LCOR: variants seen among roughly 807,000 people sequenced by gnomAD.
LCOR encodes the protein ligand dependent nuclear receptor corepressor.
LCOR carries 14 observed loss-of-function variants against 64.4 expected under a neutral mutation model. The ratio of observed to expected loss-of-function variants is 0.22; its 90% CI spans 0.14 to 0.34. The LOEUF is 0.34. Ranked by LOEUF, LCOR falls within the 10% of genes least tolerant of loss-of-function variation. The pLI, the probability that LCOR is intolerant of heterozygous loss-of-function variation, is 1.00. For synonymous variants in LCOR, 643 were observed against 642.5 expected, an observed-to-expected ratio of 1.00 and a Z score of -0.01; for missense variants, 1,686 against 1,765.3, an observed-to-expected ratio of 0.96 and a Z score of 0.80.
chr10:96,845,668 C>T (rs556597153), intron 2 of LCOR, among the ~76,000 whole-genome samples: 2 of 150,568 alleles, frequency 1.3e-5, no homozygotes, highest in African/African-American at 4.9e-5. Flanking sequence ...GGGGTGTCAC[C>T]GTGTTAGCCA....
At chr10:96,937,024 T>C (rs1232344350) in intron 4 of LCOR, among the ~76,000 whole-genome samples, 1 of 152,236 alleles carries the variant, frequency 6.6e-6, no homozygotes, top group Admixed American at 6.5e-5. Flanking sequence ...AAAGCAAAAC[T>C]GCAGATAAGA....
At chr10:96,956,908 G>A in intron 7 of LCOR, 1 of 985,194 alleles carries the variant, frequency 1.0e-6, no homozygotes, top group South Asian at 4.7e-5. Context: ...ATTGGGGATG[G>A]GAGAAATAGG....
intron 2 of LCOR, among the ~76,000 whole-genome samples, chr10:96,868,574 G>C (rs545721962): frequency 6.6e-6 from 1 of 151,902 alleles, no homozygotes. Context: ...CTTCCTGGTC[G>C]GAGTGGTTAC....
intron 4 of LCOR, among the ~76,000 whole-genome samples, chr10:96,921,503 C>A (rs1349571617): frequency 6.6e-6 from 1 of 151,992 alleles, no homozygotes; most frequent in African/African-American, 2.4e-5. Flanking sequence ...GCTCTATCTC[C>A]CAGGCTGGAG....
intron 2 of LCOR, among the ~76,000 whole-genome samples, chr10:96,893,212 C>T (rs1846475579): frequency 6.6e-6 from 1 of 152,168 alleles, no homozygotes; most frequent in Non-Finnish European, 1.5e-5. Context: ...TCTCCCCCCT[C>T]CAATAAATCT....
chr10:96,897,067 GAGAGAGAAAGAGAA>G lies in LCOR; in HGVS notation c.-329-10192_-329-10179del, dbSNP rs1436170411. Among the ~76,000 whole-genome samples the G allele has an allele frequency of 7.9e-5, 10 of 125,846 alleles. No homozygotes were observed. The Admixed American group carries it at 8.1e-4, about 10-fold the overall frequency. 82.6% of individuals were successfully genotyped at this position (125,846 alleles called of 152,430 possible). On this transcript the variant is annotated intron_variant, in intron 2 of 7. Coordinates refer to ENST00000421806, the MANE Select transcript of LCOR (RefSeq NM_001346516.2). ...TCCCAAGGAATGAGAGAGAGAGAGA[GAGAGAGAAAGAGAA>G]AGAGAAAGAGAAAGAAAAGCAAAAA...
chr10:96,915,094 T>C (rs1304070487), intron 4 of LCOR, among the ~76,000 whole-genome samples: 1 of 152,156 alleles, frequency 6.6e-6, no homozygotes, highest in African/African-American at 2.4e-5. Context: ...AGGAAGTCTC[T>C]CAAAACTAGG....
chr10:96,835,375 A>AT (rs1215991053), intron 2 of LCOR, among the ~76,000 whole-genome samples: 1 of 152,244 alleles, frequency 6.6e-6, no homozygotes, highest in African/African-American at 2.4e-5. Flanking sequence ...TCAGAAGATT[A>AT]TAGAGTCCAG....
chr10:96,953,215 T>C (rs746881254), intron 7 of LCOR, among the ~76,000 whole-genome samples: 5 of 152,090 alleles, frequency 3.3e-5, no homozygotes, highest in Admixed American at 2.6e-4. Flanking sequence ...ATACTAGATA[T>C]AAGTCAGCAT....
chr10:96,886,881 C>T (rs531473191), intron 2 of LCOR, among the ~76,000 whole-genome samples: 5 of 152,252 alleles, frequency 3.3e-5, no homozygotes, highest in Non-Finnish European at 7.4e-5. Context: ...TTTTACTCAG[C>T]AAATTGGGAC....
chr10:96,955,190 C>T (rs1847748169), intron 7 of LCOR: 3 of 1,614,144 alleles, frequency 1.9e-6, no homozygotes, highest in East Asian at 4.5e-5. Flanking sequence ...TAATATTATC[C>T]AGGGAAGCCT....
intron 7 of LCOR, chr10:96,959,922 T>G (rs1847852910): frequency 6.6e-6 from 1 of 152,186 alleles, no homozygotes; most frequent in Non-Finnish European, 1.5e-5. Context: ...ACTTTTACTT[T>G]ACAATATCGA....
At chr10:96,920,751 T>TATACAC (rs761907103) in intron 4 of LCOR, among the ~76,000 whole-genome samples, 1 of 118,884 alleles carries the variant, frequency 8.4e-6, no homozygotes, top group Non-Finnish European at 1.6e-5. Flanking sequence ...TATATATGTA[T>TATACAC]ACACACACAC....
intron 4 of LCOR, among the ~76,000 whole-genome samples, chr10:96,941,199 C>T (rs1364250176): frequency 2.5e-4 from 34 of 138,722 alleles, no homozygotes; most frequent in East Asian, 4.3e-4. Context: ...CTGACCCCCC[C>T]ACCTCCCTCC....
chr10:96,908,757 C>T (rs574400426), intron 4 of LCOR, among the ~76,000 whole-genome samples: 13 of 150,480 alleles, frequency 8.6e-5, no homozygotes, highest in Non-Finnish European at 1.8e-4. Context: ...ACTCTGTCAT[C>T]CAGGCTGGAG....
chr10:96,947,235 A>C (rs1291258459), intron 5 of LCOR, among the ~76,000 whole-genome samples: 1 of 152,100 alleles, frequency 6.6e-6, no homozygotes, highest in African/African-American at 2.4e-5. Context: ...TAGAGAGGAA[A>C]GTTAGAGTTA....
intron 2 of LCOR, among the ~76,000 whole-genome samples, chr10:96,904,834 C>A (rs993355647): frequency 2.0e-5 from 3 of 152,098 alleles, no homozygotes; most frequent in African/African-American, 7.2e-5. Flanking sequence ...TCAGACATTC[C>A]CTGTTGCTAT....
chr10:96,905,237 T>C (rs1381367569), intron 2 of LCOR, among the ~76,000 whole-genome samples: 3 of 152,172 alleles, frequency 2.0e-5, no homozygotes, highest in Admixed American at 1.3e-4. Context: ...TCTTGCTATA[T>C]TTACTTTTTT....
chr10:96,925,896 G>A (rs1847159786), intron 4 of LCOR, among the ~76,000 whole-genome samples: 1 of 152,086 alleles, frequency 6.6e-6, no homozygotes, highest in African/African-American at 2.4e-5. Flanking sequence ...CTTTGAGGAA[G>A]ACCTGTCCCT....
Sources: allele counts gnomAD v4.1 joint callset (sites outside exome capture counted in the v4.1 genomes callset), GRCh38; gene constraint gnomAD v4.1.1; transcripts MANE v1.5; gene names NCBI Gene and HGNC (gene_info 2026-07-23, HGNC 2026-07-21).